RC3H1: variants seen among roughly 807,000 people sequenced by gnomAD.
RC3H1 encodes the protein ring finger and CCCH-type domains 1, also known as roquin-1.
In RC3H1, 50 loss-of-function variants were observed where a neutral mutation model predicts 138.2. The ratio of observed to expected loss-of-function variants is 0.36; its 90% CI spans 0.29 to 0.46. The LOEUF is 0.46. RC3H1 is among the 20% of genes least tolerant of loss of function. RC3H1 has a pLI of 1.00. For synonymous variants in RC3H1, 462 were observed against 489.1 expected (o/e 0.94, Z 0.73); for missense variants, 1,031 against 1,388.1 (o/e 0.74, Z 4.09).
At chr1:173,961,505 A>T (rs1659872753) in intron 12 of RC3H1, among the ~76,000 whole-genome samples, 1 of 152,072 alleles carries the variant, frequency 6.6e-6, no homozygotes, top group South Asian at 2.1e-4. Flanking sequence ...TCTAAAGTTC[A>T]GAAACTAAGA....
intron 1 of RC3H1, among the ~76,000 whole-genome samples, chr1:174,013,470 T>A (rs2103101080): frequency 6.6e-6 from 1 of 151,606 alleles, no homozygotes; most frequent in South Asian, 2.1e-4. Context: ...TGAGACACGG[T>A]CTCACTCTGT....
chr1:174,003,184 C>T (rs951231568), intron 1 of RC3H1, among the ~76,000 whole-genome samples: 1 of 151,942 alleles, frequency 6.6e-6, no homozygotes, highest in Non-Finnish European at 1.5e-5. Flanking sequence ...GTCAGGAGTT[C>T]GAGACCAGCC....
intron 1 of RC3H1, among the ~76,000 whole-genome samples, chr1:174,016,396 C>T (rs1467601566): frequency 2.7e-5 from 4 of 146,892 alleles, no homozygotes; most frequent in South Asian, 2.2e-4. Context: ...TGACATAATC[C>T]TTTTCCTTAT....
chr1:173,977,375 G>C (rs1660633019), intron 7 of RC3H1, among the ~76,000 whole-genome samples: 1 of 152,166 alleles, frequency 6.6e-6, no homozygotes, highest in Non-Finnish European at 1.5e-5. Context: ...AAGAAGAACA[G>C]ATAAATCCCA....
chr1:174,016,963 T>G (rs1394072171), intron 1 of RC3H1, among the ~76,000 whole-genome samples: 1 of 152,126 alleles, frequency 6.6e-6, no homozygotes, highest in Non-Finnish European at 1.5e-5. Context: ...TTAGAGGTGA[T>G]CAGGTATAGG....
At chr1:174,000,689 T>C (rs1661547194) in intron 1 of RC3H1, among the ~76,000 whole-genome samples, 1 of 152,202 alleles carries the variant, frequency 6.6e-6, no homozygotes. Flanking sequence ...TCTGGAACAT[T>C]TCCATAGCAA....
In RC3H1 at chr1:173,938,165, T is replaced by C. The variant is rs1658682496; in HGVS notation, c.*556A>G. ...TTCCAAATAACAGCTCTGGGAAAAG[T>C]TGGTTTGCTGCACATTTTCTAATAA... On this transcript the variant is annotated 3_prime_UTR_variant, in exon 20 of 20. Transcript: ENST00000367696. 6.6e-6 allele frequency: 1 copy of C among 152,202 alleles called. No homozygotes were observed. The highest frequency in any genetic ancestry group is 1.5e-5 in the Non-Finnish European group (1 of 68,026). 9.4% of individuals were successfully genotyped at this position (152,202 alleles called of 1,614,324 possible).
At chr1:173,940,567 T>A (rs1201016494) in intron 19 of RC3H1, among the ~76,000 whole-genome samples, 1 of 152,186 alleles carries the variant, frequency 6.6e-6, no homozygotes, top group Non-Finnish European at 1.5e-5. Context: ...ATTTGCCCTT[T>A]TCTAAAATTT....
intron 2 of RC3H1, among the ~76,000 whole-genome samples, chr1:173,988,255 T>C (rs1661111194): frequency 6.6e-6 from 1 of 152,222 alleles, no homozygotes. Context: ...CCTGAATCCA[T>C]GGCAACCACT....
intron 10 of RC3H1, 137 bp from the exon 11 acceptor site, chr1:173,964,324 T>C: frequency 1.5e-6 from 1 of 657,988 alleles, no homozygotes; most frequent in East Asian, 2.7e-5. Context: ...TTGCAATTTT[T>C]AAATCTTATT....
intron 13 of RC3H1, among the ~76,000 whole-genome samples, chr1:173,960,471 C>T (rs534274413): frequency 1.3e-5 from 2 of 152,004 alleles, no homozygotes; most frequent in South Asian, 4.2e-4. Flanking sequence ...GTATGAAATC[C>T]TTGAATTCAG....
chr1:173,973,697 G>T (rs1660459517), intron 7 of RC3H1, among the ~76,000 whole-genome samples: 1 of 152,076 alleles, frequency 6.6e-6, no homozygotes, highest in Non-Finnish European at 1.5e-5. Flanking sequence ...TATGTAAAAT[G>T]AAACAAGAAG....
intron 7 of RC3H1, among the ~76,000 whole-genome samples, chr1:173,977,558 C>G (rs530493446): frequency 6.6e-6 from 1 of 152,108 alleles, no homozygotes; most frequent in Non-Finnish European, 1.5e-5. Flanking sequence ...TCAGAGGACA[C>G]GATGGGGAAT....
intron 1 of RC3H1, among the ~76,000 whole-genome samples, chr1:174,017,212 C>G (rs1223230092): frequency 6.6e-6 from 1 of 152,172 alleles, no homozygotes; most frequent in African/African-American, 2.4e-5. Flanking sequence ...CAAACAAGTT[C>G]TAGATAGGAG....
At chr1:173,967,591 A>T (rs1416132078) in intron 9 of RC3H1, among the ~76,000 whole-genome samples, 1 of 152,230 alleles carries the variant, frequency 6.6e-6, no homozygotes, top group Admixed American at 6.5e-5. Context: ...GAGATTGAAC[A>T]TAGTTTCACA....
At chr1:173,973,373 T>C (rs1660445724) in intron 7 of RC3H1, among the ~76,000 whole-genome samples, 1 of 151,998 alleles carries the variant, frequency 6.6e-6, no homozygotes, top group South Asian at 2.1e-4. Context: ...CCGTCTCCAC[T>C]AAAAATACAA....
intron 9 of RC3H1, among the ~76,000 whole-genome samples, chr1:173,966,759 A>G (rs1349443140): frequency 6.6e-6 from 1 of 152,014 alleles, no homozygotes; most frequent in African/African-American, 2.4e-5. Context: ...ATAAAACCCC[A>G]TCAGAGTAAT....
intron 19 of RC3H1, among the ~76,000 whole-genome samples, chr1:173,939,749 C>T (rs1468584294): frequency 6.6e-6 from 1 of 151,504 alleles, no homozygotes; most frequent in Non-Finnish European, 1.5e-5. Flanking sequence ...GCAGGAGAAT[C>T]ACTTAAATCC....
At position 174,010,861 on chromosome 1, in the gene RC3H1, A is replaced by G. The variant is rs374928164; in HGVS notation, c.-151+11235T>C. Among the ~76,000 whole-genome samples, 13 of 152,352 alleles carry G rather than the reference A, an allele frequency of 8.5e-5. No individual in the cohort carries two copies. In the East Asian group the frequency reaches 2.1e-3, roughly 25 times the overall value. On this transcript the variant is annotated intron_variant, in intron 1 of 19. Coordinates refer to ENST00000367696, the MANE Select transcript of RC3H1 (RefSeq NM_172071.4). Reference sequence around the variant, plus strand: ...AAAGGATATTCAAATGGCAATAAGCATATAGTATGTTCACTGAGGAGTGAT... The same window carrying G: ...AAAGGATATTCAAATGGCAATAAGCGTATAGTATGTTCACTGAGGAGTGAT...
Sources: gnomAD v4.1 joint callset for allele counts (sites outside exome capture counted in the v4.1 genomes callset) on GRCh38, gnomAD v4.1.1 for gene constraint, MANE v1.5 for transcripts, NCBI Gene and HGNC (gene_info 2026-07-23, HGNC 2026-07-21) for gene names.